LSM14B: variants seen among roughly 807,000 people sequenced by gnomAD.
The protein encoded by LSM14B is LSM family member 14B, also known as protein LSM14 homolog B.
A neutral mutation model predicts 42.1 loss-of-function variants in LSM14B; 8 were observed. That is an observed-to-expected ratio of 0.19 (90% CI 0.11 to 0.34). The LOEUF (loss-of-function observed/expected upper bound fraction) is 0.34, where lower values mean the gene tolerates loss of function less well. Among genes scored for constraint, LSM14B ranks in the 10% least tolerant of loss-of-function variants. LSM14B has a pLI of 1.00. For missense variants in LSM14B, 396 were observed against 513.1 expected, an observed-to-expected ratio of 0.77 and a Z score of 2.21; for synonymous variants, 219 against 209.7, an observed-to-expected ratio of 1.04 and a Z score of -0.38.
chr20:62,124,477 T>A, intron 1 of LSM14B, 140 bp from the exon 2 acceptor site: 2 of 790,142 alleles, frequency 2.5e-6, no homozygotes, highest in East Asian at 2.6e-5. Context: ...ATTAAGTAGT[T>A]GTTGAAATGT....
chr20:62,134,510 T>C lies in LSM14B; in HGVS notation c.*362T>C. On this transcript the variant is annotated 3_prime_UTR_variant, in exon 9 of 9. Coordinates refer to ENST00000279068, the MANE Select transcript of LSM14B (RefSeq NM_144703.3). ...TTTTTTAATGACAAGCTTTGACTTT[T>C]AAAAGTGGAACCAAATCTGTTGGCA... 3.1e-6 allele frequency: 1 copy of C among 324,590 alleles called. No individual in the cohort carries two copies. Among genetic ancestry groups the C allele is most frequent in the South Asian group, 2.4e-5 (1 of 41,852 alleles). The allele number at this position is 324,590 out of a possible 1,614,324, so 20.1% of individuals were successfully genotyped here.
chr20:62,128,711 TG>T (rs1694188548), intron 3 of LSM14B, among the ~76,000 whole-genome samples: 1 of 152,234 alleles, frequency 6.6e-6, no homozygotes. Flanking sequence ...AGTGAGAAAG[TG>T]GCCCGGGTGC....
At chr20:62,133,543 G>T in intron 8 of LSM14B, 68 bp downstream of exon 8, 1 of 1,519,676 alleles carries the variant, frequency 6.6e-7, no homozygotes. Context: ...GGAGAGCTTA[G>T]GAAGGTGGGG....
intron 1 of LSM14B, among the ~76,000 whole-genome samples, chr20:62,123,887 C>T (rs562456052): frequency 6.6e-6 from 1 of 152,338 alleles, no homozygotes; most frequent in East Asian, 1.9e-4. Flanking sequence ...CCTCACTACA[C>T]TTATTACAGG....
Position 62,130,445 on chromosome 20 carries a change from G to T in LSM14B, c.674-85G>T. On this transcript the variant is annotated intron_variant, in intron 5 of 8. Transcript: ENST00000279068. This position sits in a 1 kb window ranked among gnomAD's most constrained non-coding sequence, Gnocchi z 4.1. The stretch of plus-strand genomic sequence containing the variant: ...GCTCTGTTCCTTCTGTGGCCTTGGG[G>T]GTGTGCCTGGAAATTCCTTGTGAGG... The T allele has an allele frequency of 1.3e-6, 2 of 1,556,178 alleles. No individual in the cohort carries two copies. The highest frequency in any genetic ancestry group is 8.7e-7 in the Non-Finnish European group (1 of 1,146,916).
chr20:62,126,266 T>C (rs1411960786), intron 2 of LSM14B, 38 bp from the exon 3 acceptor site: 6 of 1,613,750 alleles, frequency 3.7e-6, no homozygotes, highest in Non-Finnish European at 5.1e-6. Flanking sequence ...GGTGATGGGA[T>C]GGCCTTCGCC....
Position 62,134,676 on chromosome 20 carries a change from G to A in LSM14B, c.*528G>A, listed in dbSNP as rs1180298654. ...TGGGGGGCAGGGGTGGGTGGGTGGAGGGCACGGAAGGGGTTTTCCCATGGA... is the reference window on the plus strand; with the variant it reads ...TGGGGGGCAGGGGTGGGTGGGTGGAAGGCACGGAAGGGGTTTTCCCATGGA... On this transcript the variant is annotated 3_prime_UTR_variant, in exon 9 of 9. Transcript: ENST00000279068. The A allele has an allele frequency of 5.2e-6, 1 of 192,360 alleles. No homozygotes were observed. Among genetic ancestry groups the A allele is most frequent in the Non-Finnish European group, 1.1e-5 (1 of 93,454 alleles). The allele number at this position is 192,360 out of a possible 1,614,324, so 11.9% of individuals were successfully genotyped here.
At position 62,128,950 on chromosome 20, in the gene LSM14B, G is replaced by A; in HGVS notation, c.428-835G>A. On this transcript the variant is annotated intron_variant, in intron 3 of 8. Transcript: ENST00000279068. ...GGTGCCTTTTCTGTTTCAGATCTCTGTTCACTTACACCCAGTCCCACATTG... is the reference window on the plus strand; with the variant it reads ...GGTGCCTTTTCTGTTTCAGATCTCTATTCACTTACACCCAGTCCCACATTG... 8 of 1,303,942 alleles carry A rather than the reference G, an allele frequency of 6.1e-6. No homozygotes were observed. In the South Asian group the frequency reaches 8.6e-5, roughly 14 times the overall value. 80.8% of individuals were successfully genotyped at this position (1,303,942 alleles called of 1,614,324 possible).
rs757010057 is a variant in LSM14B at position 62,133,363 on chromosome 20, C to T, written c.1060C>T (p.Arg354Cys). 25 of 1,612,942 alleles carry T rather than the reference C, an allele frequency of 1.5e-5. No homozygotes were observed. The highest frequency in any genetic ancestry group is 2.0e-5 in the Non-Finnish European group (23 of 1,179,462). Reference sequence around the variant, plus strand: ...CTTTGGGGTGTCAGGGAGGTTTCTTCGTGGCCGCAGTTCTCGGGGCGGATT... The same window carrying T: ...CTTTGGGGTGTCAGGGAGGTTTCTTTGTGGCCGCAGTTCTCGGGGCGGATT... The part of the protein sequence containing the change: ...ETFGVSGRFL[R>C]GRSSRGGFRG... The change falls in exon 8 of 9, where the codon CGT becomes TGT. Residue 354 changes from arginine to cysteine, a missense_variant. Arg to Cys is a radical substitution (Grantham distance 180). Coordinates refer to ENST00000279068, the MANE Select transcript of LSM14B (RefSeq NM_144703.3).
rs1162060270 is a variant in LSM14B at position 62,130,047 on chromosome 20, C to A, written c.595+95C>A. On this transcript the variant is annotated intron_variant, in intron 4 of 8. Transcript: ENST00000279068. The surrounding 1 kb of genome is among the most constrained non-coding windows in gnomAD (Gnocchi z 4.1). Reference sequence around the variant, plus strand: ...TTTTTTTTTTTTAATTAAAAAAATACTACTCCCCCATCCTAAGCCCCATGT... The same window carrying A: ...TTTTTTTTTTTTAATTAAAAAAATAATACTCCCCCATCCTAAGCCCCATGT... 2.1e-6 allele frequency: 3 copies of A among 1,409,656 alleles called. No individual in the cohort carries two copies. Among genetic ancestry groups the A allele is most frequent in the Non-Finnish European group, 1.9e-6 (2 of 1,058,050 alleles). The allele number at this position is 1,409,656 out of a possible 1,614,324, so 87.3% of individuals were successfully genotyped here.
chr20:62,124,794 T>C lies in LSM14B; in HGVS notation c.291+14T>C, dbSNP rs2056535317. On this transcript the variant is annotated intron_variant, in intron 2 of 8. Coordinates refer to ENST00000279068, the MANE Select transcript of LSM14B (RefSeq NM_144703.3). Reference sequence around the variant, plus strand: ...GCCATTGTTCAGGTAAGTGTGCCACTGTCCCTCTGTGCATGCTGTAGGAGA... The same window carrying C: ...GCCATTGTTCAGGTAAGTGTGCCACCGTCCCTCTGTGCATGCTGTAGGAGA... 6.2e-7 allele frequency: 1 copy of C among 1,608,476 alleles called. No homozygotes were observed. Among genetic ancestry groups the C allele is most frequent in the Admixed American group, 1.7e-5 (1 of 59,524 alleles).
At chr20:62,128,795 A>T in intron 3 of LSM14B, 1 of 467,030 alleles carries the variant, frequency 2.1e-6, no homozygotes, top group Non-Finnish European at 3.6e-6. Flanking sequence ...GCTTCTCTTG[A>T]TCTGGTTACA....
rs1476890955 is a variant in LSM14B, at chr20:62,134,153, T to C, written c.*15-10T>C. On this transcript the variant is annotated splice_polypyrimidine_tract_variant and intron_variant, in intron 8 of 8. Transcript: ENST00000279068. ...CCAGCAGATGCTTGACTTCCTGTCA[T>C]CTCTTGCAGGCTCCTACTGAAGTGG... 2 of 449,252 alleles carry C rather than the reference T, an allele frequency of 4.5e-6. No individual in the cohort carries two copies. The highest frequency in any genetic ancestry group is 9.3e-6 in the Non-Finnish European group (2 of 216,094). 27.8% of individuals were successfully genotyped at this position (449,252 alleles called of 1,614,324 possible).
rs1409103341 is a variant in LSM14B, at chr20:62,126,116, A to G, written c.292-188A>G. ...GAATTACATGGACAGGTGAAACTGG[A>G]ACTGAAATGCTGTGGAAAAGGCAGC... On this transcript the variant is annotated intron_variant, in intron 2 of 8. Coordinates refer to ENST00000279068, the MANE Select transcript of LSM14B (RefSeq NM_144703.3). The G allele has an allele frequency of 9.7e-6, 7 of 720,532 alleles. No individual in the cohort carries two copies. The Admixed American group carries it at 1.2e-4, about 13-fold the overall frequency. The allele number at this position is 720,532 out of a possible 1,614,324, so 44.6% of individuals were successfully genotyped here.
chr20:62,124,138 G>T (rs1179693536), intron 1 of LSM14B, among the ~76,000 whole-genome samples: 1 of 152,228 alleles, frequency 6.6e-6, no homozygotes, highest in Non-Finnish European at 1.5e-5. Flanking sequence ...TTCTGTTACA[G>T]CTGTTCCAAG....
intron 8 of LSM14B, 115 bp from the exon 9 acceptor site, chr20:62,134,048 G>C (rs2145650048): frequency 5.5e-6 from 2 of 361,346 alleles, no homozygotes; most frequent in East Asian, 7.8e-5. Flanking sequence ...GAAGAATGGG[G>C]GTAGCCAGTC....
At chr20:62,124,064 T>C (rs2056507849) in intron 1 of LSM14B, among the ~76,000 whole-genome samples, 1 of 152,228 alleles carries the variant, frequency 6.6e-6, no homozygotes, top group East Asian at 1.9e-4. Context: ...GTAGACTCAA[T>C]TCCTTATAGA....
chr20:62,130,733 C>T lies in LSM14B; in HGVS notation c.835+42C>T, dbSNP rs768273417. 1.3e-6 allele frequency: 2 copies of T among 1,591,292 alleles called. No individual in the cohort carries two copies. The highest frequency in any genetic ancestry group is 1.3e-5 in the African/African-American group (1 of 74,392). ...GAAAATTATTCTCTGCACAGGAGTA[C>T]CCCTAGAGAGTGTTAGGAGGAGATG... On this transcript the variant is annotated intron_variant, in intron 6 of 8. Transcript: ENST00000279068. The surrounding 1 kb of genome is among the most constrained non-coding windows in gnomAD (Gnocchi z 4.1).
chr20:62,130,375 T>C lies in LSM14B; in HGVS notation c.673+79T>C. On this transcript the variant is annotated intron_variant, in intron 5 of 8. Coordinates refer to ENST00000279068, the MANE Select transcript of LSM14B (RefSeq NM_144703.3). The surrounding 1 kb of genome is among the most constrained non-coding windows in gnomAD (Gnocchi z 4.1). ...CTGCTTGCCCTCCTGCCTGCTTCTCTGGTTGACGGTTTCAGGGGTGCTGGT... is the reference window on the plus strand; with the variant it reads ...CTGCTTGCCCTCCTGCCTGCTTCTCCGGTTGACGGTTTCAGGGGTGCTGGT... 1 of 1,537,884 alleles carries C rather than the reference T, an allele frequency of 6.5e-7. No individual in the cohort carries two copies. The highest frequency in any genetic ancestry group is 8.8e-7 in the Non-Finnish European group (1 of 1,133,470).
Sources: allele counts gnomAD v4.1 joint callset (sites outside exome capture counted in the v4.1 genomes callset), GRCh38; gene constraint gnomAD v4.1.1; non-coding constraint Gnocchi (gnomAD v3.1); transcripts MANE v1.5; gene names NCBI Gene and HGNC (gene_info 2026-07-23, HGNC 2026-07-21).